CRPPA: variants seen among roughly 807,000 people sequenced by gnomAD.
CRPPA encodes CDP-L-ribitol pyrophosphorylase A, also known as D-ribitol-5-phosphate cytidylyltransferase.
In CRPPA, 43 loss-of-function variants were observed where a neutral mutation model predicts 52.0. That is an observed-to-expected ratio of 0.83 (90% CI 0.65 to 1.07). CRPPA has a LOEUF of 1.07. Among genes scored for constraint, CRPPA ranks in the 50% least tolerant of loss-of-function variants. The pLI is 0.00. For synonymous variants in CRPPA, 250 were observed against 203.5 expected (o/e 1.23, Z -1.94); for missense variants, 629 against 551.7 (o/e 1.14, Z -1.40).
At chr7:16,320,724 C>T (rs913456607) in intron 3 of CRPPA, among the ~76,000 whole-genome samples, 1 of 152,158 alleles carries the variant, frequency 6.6e-6, no homozygotes, top group Non-Finnish European at 1.5e-5. Flanking sequence ...AAACAATGAA[C>T]ACCTGCATCC....
intron 9 of CRPPA, among the ~76,000 whole-genome samples, chr7:16,161,448 G>T (rs1218166162): frequency 1.3e-5 from 2 of 152,138 alleles, no homozygotes; most frequent in African/African-American, 4.8e-5. Context: ...TAATCATGTG[G>T]TTTTTGTCAT....
chr7:16,140,987 T>C (rs1782858558), intron 9 of CRPPA, among the ~76,000 whole-genome samples: 1 of 152,186 alleles, frequency 6.6e-6, no homozygotes, highest in South Asian at 2.1e-4. Flanking sequence ...CTAATGGACC[T>C]GATATTAAGA....
chr7:16,414,396 CACACA>C (rs1788141909), intron 1 of CRPPA, among the ~76,000 whole-genome samples: 5 of 127,562 alleles, frequency 3.9e-5, no homozygotes, highest in Non-Finnish European at 6.7e-5. Flanking sequence ...CACACACACA[CACACA>C]CCCCATGACA....
rs185346248 is a variant in CRPPA at position 16,196,694 on chromosome 7, C to T, written c.1251+19372G>A. Among the ~76,000 whole-genome samples the T allele has an allele frequency of 6.1e-4, 93 of 152,230 alleles. No homozygotes were observed. The East Asian group carries it at 0.015, about 25-fold the overall frequency. On this transcript the variant is annotated intron_variant, in intron 9 of 9. Transcript: ENST00000407010. ...TTTGAAACTTCAGAATTACAGGACT[C>T]ACTCATAGTCTAAAACAAAAGAACC...
chr7:16,388,560 C>G (rs576190900), intron 2 of CRPPA, among the ~76,000 whole-genome samples: 1 of 151,904 alleles, frequency 6.6e-6, no homozygotes, highest in African/African-American at 2.4e-5. Flanking sequence ...AGAAAAAAAG[C>G]CAAATATGGT....
At chr7:16,357,832 T>A (rs1274679185) in intron 3 of CRPPA, among the ~76,000 whole-genome samples, 1 of 152,114 alleles carries the variant, frequency 6.6e-6, no homozygotes, top group Non-Finnish European at 1.5e-5. Flanking sequence ...CCTCTCCATA[T>A]CTGAGCTGCA....
chr7:16,245,771 C>A (rs968043417), intron 8 of CRPPA, among the ~76,000 whole-genome samples: 5 of 152,180 alleles, frequency 3.3e-5, no homozygotes, highest in African/African-American at 1.2e-4. Flanking sequence ...TTTTTTATTT[C>A]CCATGTCATA....
intron 4 of CRPPA, among the ~76,000 whole-genome samples, chr7:16,308,032 C>T (rs892734301): frequency 6.6e-6 from 1 of 151,710 alleles, no homozygotes; most frequent in Non-Finnish European, 1.5e-5. Context: ...GTGACTGGAT[C>T]GTGGGGGCAG....
intron 3 of CRPPA, among the ~76,000 whole-genome samples, chr7:16,369,773 T>G (rs1786700693): frequency 6.6e-6 from 1 of 152,160 alleles, no homozygotes; most frequent in African/African-American, 2.4e-5. Context: ...TGATTTTTTT[T>G]TCCCCCAAGA....
intron 9 of CRPPA, among the ~76,000 whole-genome samples, chr7:16,156,373 A>G (rs1020057919): frequency 2.6e-5 from 4 of 152,178 alleles, no homozygotes; most frequent in African/African-American, 7.2e-5. Context: ...GGGCTGTGCC[A>G]AAGGGTTAAC....
chr7:16,288,277 T>A (rs1437406135), intron 5 of CRPPA, among the ~76,000 whole-genome samples: 1 of 152,096 alleles, frequency 6.6e-6, no homozygotes, highest in Non-Finnish European at 1.5e-5. Flanking sequence ...AAATTATCAC[T>A]GAATTCTTAT....
chr7:16,351,387 A>G (rs557756495), intron 3 of CRPPA, among the ~76,000 whole-genome samples: 14 of 152,334 alleles, frequency 9.2e-5, no homozygotes, highest in African/African-American at 2.9e-4. Context: ...AAGCAATGGC[A>G]ACAAAAGCCA....
chr7:16,348,989 T>A (rs1051494596), intron 3 of CRPPA, among the ~76,000 whole-genome samples: 17 of 152,192 alleles, frequency 1.1e-4, no homozygotes, highest in Admixed American at 5.9e-4. Context: ...CAGGACCCCT[T>A]CCAGCAGCTA....
At chr7:16,184,581 G>A (rs571350527) in intron 9 of CRPPA, among the ~76,000 whole-genome samples, 3 of 152,160 alleles carry the variant, frequency 2.0e-5, no homozygotes, top group Admixed American at 2.0e-4. Context: ...ATTTTTTGCT[G>A]CTTCTCAATG....
intron 3 of CRPPA, among the ~76,000 whole-genome samples, chr7:16,349,351 C>T (rs920299371): frequency 2.0e-5 from 3 of 152,144 alleles, no homozygotes; most frequent in Non-Finnish European, 4.4e-5. Flanking sequence ...TCTGACAAGA[C>T]AGGCAGATGT....
intron 9 of CRPPA, among the ~76,000 whole-genome samples, chr7:16,144,921 G>A (rs1389133347): frequency 1.3e-5 from 2 of 152,082 alleles, no homozygotes; most frequent in Admixed American, 6.5e-5. Context: ...GGACAGACTC[G>A]GCAGTGATAC....
chr7:16,092,751 T>C (rs562624109), intron 9 of CRPPA, among the ~76,000 whole-genome samples: 30 of 152,342 alleles, frequency 2.0e-4, no homozygotes, highest in African/African-American at 7.2e-4. Context: ...CTTTGAAGAC[T>C]ACTTTTAAAC....
At chr7:16,381,055 C>T (rs879240256) in intron 2 of CRPPA, among the ~76,000 whole-genome samples, 1 of 151,360 alleles carries the variant, frequency 6.6e-6, no homozygotes, top group African/African-American at 2.4e-5. Context: ...TTTGCTCTTG[C>T]TTTTCTAGTT....
intron 9 of CRPPA, among the ~76,000 whole-genome samples, chr7:16,202,069 T>C (rs932407624): frequency 6.6e-6 from 1 of 152,192 alleles, no homozygotes; most frequent in Non-Finnish European, 1.5e-5. Flanking sequence ...TGGTGCTGAA[T>C]TTAATCACAT....
Sources: gnomAD v4.1 joint callset for allele counts (sites outside exome capture counted in the v4.1 genomes callset) on GRCh38, gnomAD v4.1.1 for gene constraint, MANE v1.5 for transcripts, NCBI Gene and HGNC (gene_info 2026-07-23, HGNC 2026-07-21) for gene names.